The following HPSE2 variants were observed in gnomAD, a reference collection of about 807,000 sequenced individuals.
HPSE2 encodes the protein inactive heparanase-2.
A neutral mutation model predicts 60.5 loss-of-function variants in HPSE2; 38 were observed. The ratio of observed to expected loss-of-function variants is 0.63; its 90% confidence interval spans 0.48 to 0.82. The LOEUF (loss-of-function observed/expected upper bound fraction) is 0.82, where lower values mean the gene tolerates loss of function less well. HPSE2 is among the 40% of genes least tolerant of loss of function. The pLI is 0.00. For missense variants in HPSE2, 713 were observed against 740.4 expected (o/e 0.96, Z 0.43); for synonymous variants, 295 against 293.2 (o/e 1.01, Z -0.06).
chr10:98,896,899 G>A (rs920716135), intron 3 of HPSE2, among the ~76,000 whole-genome samples: 1 of 152,114 alleles, frequency 6.6e-6, no homozygotes, highest in Non-Finnish European at 1.5e-5. Context: ...ACTCACACAA[G>A]GAGAAATAGG....
At chr10:99,213,876 A>T (rs1849030841) in intron 2 of HPSE2, among the ~76,000 whole-genome samples, 1 of 152,226 alleles carries the variant, frequency 6.6e-6, no homozygotes, top group Non-Finnish European at 1.5e-5. Context: ...CCAAATTAAA[A>T]AACATTTGTT....
intron 4 of HPSE2, among the ~76,000 whole-genome samples, chr10:98,732,084 G>A (rs576891137): frequency 3.3e-5 from 5 of 151,962 alleles, no homozygotes; most frequent in Admixed American, 3.3e-4. Context: ...TTTAACAAAA[G>A]AAGTACAAAA....
At chr10:99,292,166 G>A in the HPSE2 span, among the ~76,000 whole-genome samples, 9 of 152,196 alleles carry the variant, frequency 5.9e-5, no homozygotes, top group South Asian at 2.1e-4. Context: ...GGGGAAGAAA[G>A]GGGAGAGGAG....
intron 3 of HPSE2, among the ~76,000 whole-genome samples, chr10:99,128,897 A>C (rs1359628575): frequency 1.3e-5 from 2 of 152,230 alleles, no homozygotes; most frequent in Non-Finnish European, 2.9e-5. Context: ...TGCTGTCTTC[A>C]AGAGACTCAC....
chr10:98,606,842 A>C (rs1453068259), intron 9 of HPSE2, among the ~76,000 whole-genome samples: 1 of 152,166 alleles, frequency 6.6e-6, no homozygotes, highest in African/African-American at 2.4e-5. Flanking sequence ...AGTTAGAAAA[A>C]AACATAACGT....
chr10:98,846,862 G>C (rs997680352), intron 3 of HPSE2, among the ~76,000 whole-genome samples: 13 of 152,074 alleles, frequency 8.5e-5, no homozygotes, highest in African/African-American at 3.1e-4. Context: ...ACACATCACT[G>C]TGCCCGGCTC....
chr10:98,922,170 A>T (rs1590081639), intron 3 of HPSE2, among the ~76,000 whole-genome samples: 1 of 152,328 alleles, frequency 6.6e-6, no homozygotes, highest in East Asian at 1.9e-4. Context: ...GTGATTTTTA[A>T]TATTTTATAC....
chr10:98,907,537 A>C (rs1224734825), intron 3 of HPSE2, among the ~76,000 whole-genome samples: 2 of 152,196 alleles, frequency 1.3e-5, no homozygotes, highest in Non-Finnish European at 2.9e-5. Flanking sequence ...AGTCACTGTA[A>C]TTCTTCTGAC....
intron 3 of HPSE2, among the ~76,000 whole-genome samples, chr10:99,022,857 T>C (rs1488726732): frequency 6.6e-6 from 1 of 152,132 alleles, no homozygotes; most frequent in African/African-American, 2.4e-5. Context: ...CCAGGTACTA[T>C]AATCAAGGGC....
chr10:98,682,105 G>A (rs1381192535), intron 6 of HPSE2, among the ~76,000 whole-genome samples: 1 of 152,150 alleles, frequency 6.6e-6, no homozygotes, highest in African/African-American at 2.4e-5. Context: ...GGATCATGGG[G>A]GCGGATTTCT....
At chr10:99,284,875 A>G in the HPSE2 span, among the ~76,000 whole-genome samples, 1 of 152,188 alleles carries the variant, frequency 6.6e-6, no homozygotes, top group Non-Finnish European at 1.5e-5. Context: ...TATACCATGG[A>G]AAATTAAAAA....
intron 3 of HPSE2, among the ~76,000 whole-genome samples, chr10:98,754,119 A>G (rs1317431524): frequency 6.6e-6 from 1 of 152,194 alleles, no homozygotes; most frequent in Non-Finnish European, 1.5e-5. Flanking sequence ...CAATAAAATG[A>G]TACAAGAGCT....
At chr10:98,484,204 T>TTTTTCTGTCCTTCCTTCCTTCC (rs1941353701) in intron 10 of HPSE2, among the ~76,000 whole-genome samples, 3 of 151,822 alleles carry the variant, frequency 2.0e-5, no homozygotes, top group African/African-American at 7.3e-5. Flanking sequence ...TCCTTCCTTC[T>TTTTTCTGTCCTTCCTTCCTTCC]TTTTCTGTCC....
intron 3 of HPSE2, among the ~76,000 whole-genome samples, chr10:99,054,797 G>A (rs1056987368): frequency 2.6e-5 from 4 of 152,108 alleles, no homozygotes; most frequent in East Asian, 1.9e-4. Context: ...TGCAACCTCC[G>A]CCTCTTGGGT....
rs184825753 is a variant in HPSE2, at chr10:98,880,777, C to T, written c.611-136721G>A. Among the ~76,000 whole-genome samples the T allele has an allele frequency of 4.6e-5, 7 of 152,086 alleles. No homozygotes were observed. In the East Asian group the frequency reaches 1.4e-3, roughly 30 times the overall value. On this transcript the variant is annotated intron_variant, in intron 3 of 11. Transcript: ENST00000370552. ...ATTTTGCACTGCATATCCTTTTGTACCATTGGAGGTTTTTTCCATGTTTAA... is the reference window on the plus strand; with the variant it reads ...ATTTTGCACTGCATATCCTTTTGTATCATTGGAGGTTTTTTCCATGTTTAA...
At chr10:98,732,660 A>C (rs1490029426) in intron 4 of HPSE2, among the ~76,000 whole-genome samples, 1 of 152,180 alleles carries the variant, frequency 6.6e-6, no homozygotes, top group Admixed American at 6.5e-5. Context: ...CAAATGTAAG[A>C]GCTAAAACAA....
intron 1 of HPSE2, among the ~76,000 whole-genome samples, chr10:99,233,033 C>T (rs986608059): frequency 6.6e-6 from 1 of 152,272 alleles, no homozygotes; most frequent in Non-Finnish European, 1.5e-5. Context: ...TCTCTCAGAC[C>T]AGGCCCGGCG....
intron 2 of HPSE2, among the ~76,000 whole-genome samples, chr10:99,193,946 T>C (rs1365560588): frequency 6.6e-6 from 1 of 152,002 alleles, no homozygotes; most frequent in East Asian, 1.9e-4. Context: ...ATGGATCTAA[T>C]GAATATTTCA....
intron 7 of HPSE2, among the ~76,000 whole-genome samples, chr10:98,624,455 G>A (rs1032092703): frequency 2.0e-5 from 3 of 152,070 alleles, no homozygotes; most frequent in African/African-American, 7.2e-5. Flanking sequence ...AGAAAGTAAG[G>A]GAGTGAAATA....
Sources: allele counts gnomAD v4.1 joint callset (sites outside exome capture counted in the v4.1 genomes callset), GRCh38; gene constraint gnomAD v4.1.1; transcripts MANE v1.5; gene names NCBI Gene and HGNC (gene_info 2026-07-23, HGNC 2026-07-21).